The following CDK17 variants were observed in gnomAD, a reference collection of about 807,000 sequenced individuals.
CDK17 encodes the protein cyclin-dependent kinase 17.
A neutral mutation model predicts 77.6 loss-of-function variants in CDK17; 24 were observed. The observed-to-expected ratio is 0.31, with a 90% CI of 0.22 to 0.44. CDK17 has a LOEUF of 0.44. CDK17 is among the 20% of genes least tolerant of loss of function. The pLI is 1.00. For synonymous variants in CDK17, 203 were observed against 210.4 expected (o/e 0.96, Z 0.30); for missense variants, 429 against 622.5 (o/e 0.69, Z 3.31).
At chr12:96,300,816 G>GT (rs1952489534) in intron 5 of CDK17, among the ~76,000 whole-genome samples, 1 of 152,158 alleles carries the variant, frequency 6.6e-6, no homozygotes, top group East Asian at 1.9e-4. Context: ...TATCTATCAA[G>GT]TTTTAAAATA....
intron 5 of CDK17, among the ~76,000 whole-genome samples, chr12:96,310,405 T>C (rs559197973): frequency 6.6e-6 from 1 of 152,156 alleles, no homozygotes; most frequent in East Asian, 1.9e-4. Flanking sequence ...AAGAGAATAT[T>C]ACACATTTAA....
chr12:96,335,190 T>C (rs1349783593), intron 1 of CDK17: 8 of 370,878 alleles, frequency 2.2e-5, no homozygotes, highest in Non-Finnish European at 3.6e-5. Context: ...CAATATTATT[T>C]TGATGCTTAG....
chr12:96,323,275 AAAAAAAAAAC>A (rs770297443), intron 3 of CDK17, among the ~76,000 whole-genome samples: 6 of 121,446 alleles, frequency 4.9e-5, no homozygotes, highest in South Asian at 2.8e-4. Context: ...TTCTAAAAAA[AAAAAAAAAAC>A]AAAAACAAAC....
At chr12:96,398,575 C>A (rs1025456802) in intron 1 of CDK17, among the ~76,000 whole-genome samples, 1 of 152,134 alleles carries the variant, frequency 6.6e-6, no homozygotes, top group African/African-American at 2.4e-5. Context: ...ACAGAACAAG[C>A]CAGATTTGTT....
Position 96,284,688 on chromosome 12 carries a change from C to T in CDK17, c.1323-1043G>A, listed in dbSNP as rs144195166. ...CACGTGATTCTCCTGCCTCAGCCTCCCGAGTAGCTAGGATTACAGGCATGC... is the reference window on the plus strand; with the variant it reads ...CACGTGATTCTCCTGCCTCAGCCTCTCGAGTAGCTAGGATTACAGGCATGC... On this transcript the variant is annotated intron_variant, in intron 13 of 16. Transcript: ENST00000261211. Among the ~76,000 whole-genome samples, 545 of 151,412 alleles carry T rather than the reference C, an allele frequency of 3.6e-3. 4 individuals are homozygous for T. Among genetic ancestry groups the T allele is most frequent in the African/African-American group, 0.013 (522 of 41,284 alleles).
rs911097191 is a variant in CDK17, at chr12:96,352,189, G to T, written c.-29-17324C>A. Among the ~76,000 whole-genome samples the T allele has an allele frequency of 5.9e-5, 9 of 152,072 alleles. No homozygotes were observed. The East Asian group carries it at 1.5e-3, about 26-fold the overall frequency. On this transcript the variant is annotated intron_variant, in intron 1 of 16. Transcript: ENST00000261211. ...AAGCAAATCTGCACTTTCCCAATAGGATCCCTTCCAAGTATTGAAGCTGAA... is the reference window on the plus strand; with the variant it reads ...AAGCAAATCTGCACTTTCCCAATAGTATCCCTTCCAAGTATTGAAGCTGAA...
chr12:96,343,246 C>G (rs980193537), intron 1 of CDK17, among the ~76,000 whole-genome samples: 1 of 152,194 alleles, frequency 6.6e-6, no homozygotes, highest in Non-Finnish European at 1.5e-5. Flanking sequence ...TAATTAGACA[C>G]TAAAAACAAC....
At chr12:96,289,141 T>C in intron 11 of CDK17, 26 bp downstream of exon 11, 3 of 1,611,026 alleles carry the variant, frequency 1.9e-6, no homozygotes, top group Non-Finnish European at 2.5e-6. Flanking sequence ...AAATTATAAA[T>C]GTCAGTGACA....
chr12:96,312,197 A>G (rs1436616214), intron 4 of CDK17, among the ~76,000 whole-genome samples: 4 of 152,158 alleles, frequency 2.6e-5, no homozygotes, highest in Non-Finnish European at 5.9e-5. Context: ...GGATCACTTG[A>G]GCCCAGGAGG....
chr12:96,369,153 A>G (rs1324517863), intron 1 of CDK17, among the ~76,000 whole-genome samples: 1 of 152,112 alleles, frequency 6.6e-6, no homozygotes, highest in African/African-American at 2.4e-5. Context: ...CAATCACAAA[A>G]AAGAAAAAAA....
Position 96,286,038 on chromosome 12 carries a change from A to C in CDK17, c.1322+5T>G. 6.7e-7 allele frequency: 1 copy of C among 1,484,752 alleles called. No individual in the cohort carries two copies. The highest frequency in any genetic ancestry group is 9.3e-7 in the Non-Finnish European group (1 of 1,070,592). 92.0% of individuals were successfully genotyped at this position (1,484,752 alleles called of 1,614,324 possible). A position where few individuals can be genotyped will look rare whatever the true frequency, so the allele number is the denominator to read the frequency against. On this transcript the variant is annotated splice_donor_5th_base_variant and intron_variant, in intron 13 of 16. Coordinates refer to ENST00000261211, the MANE Select transcript of CDK17 (RefSeq NM_002595.5). ...TCCCCCCTTTCACATAAGAAAAAAA[A>C]ATACCTGGGTGCGTGGTTAATTAGA... is the stretch of plus-strand genomic sequence containing the variant.
intron 1 of CDK17, among the ~76,000 whole-genome samples, chr12:96,361,014 G>A (rs1443607957): frequency 6.6e-6 from 1 of 152,254 alleles, no homozygotes; most frequent in African/African-American, 2.4e-5. Context: ...TACCAGAGCT[G>A]AGAGGAACAA....
chr12:96,295,278 A>G, intron 9 of CDK17, 156 bp from the exon 10 acceptor site: 1 of 479,906 alleles, frequency 2.1e-6, no homozygotes, highest in South Asian at 4.2e-5. Context: ...TTCCTTTTAT[A>G]TATAGTGGCT....
intron 1 of CDK17, among the ~76,000 whole-genome samples, chr12:96,342,613 C>G (rs1339790413): frequency 6.6e-6 from 1 of 152,102 alleles, no homozygotes; most frequent in Non-Finnish European, 1.5e-5. Context: ...AAAACACTGA[C>G]AGAGCACTGA....
At chr12:96,366,932 C>T (rs568528730) in intron 1 of CDK17, among the ~76,000 whole-genome samples, 1 of 152,234 alleles carries the variant, frequency 6.6e-6, no homozygotes, top group Admixed American at 6.5e-5. Flanking sequence ...CCTTTTCTTT[C>T]CTCATTTCAT....
Position 96,280,150 on chromosome 12 carries a change from C to T in CDK17, c.*92G>A. On this transcript the variant is annotated 3_prime_UTR_variant, in exon 17 of 17. Transcript: ENST00000261211. ...AGGACAGTGTAGACAAACGGAGATT[C>T]CAAGTCCACCAAAAGAAATAATTGC... 7.7e-7 allele frequency: 1 copy of T among 1,306,314 alleles called. No individual in the cohort carries two copies. The highest frequency in any genetic ancestry group is 2.4e-5 in the Admixed American group (1 of 42,148). The allele number at this position is 1,306,314 out of a possible 1,614,324, so 80.9% of individuals were successfully genotyped here. A position where few individuals can be genotyped will look rare whatever the true frequency, so the allele number is the denominator to read the frequency against.
Position 96,286,069 on chromosome 12 carries a change from T to G in CDK17, c.1296A>C (p.Pro432=), listed in dbSNP as rs765597738. The G allele has an allele frequency of 6.4e-7, 1 of 1,564,306 alleles. No homozygotes were observed. Among genetic ancestry groups the G allele is most frequent in the Admixed American group, 1.8e-5 (1 of 56,716 alleles). The part of the protein sequence containing the change: ...FKNYNFPKYK[P]QPLINHAPRL... ...TGGGTGCGTGGTTAATTAGAGGCTG[T>G]GGTTTATATTTTGGAAAGTTGTAGT... Residue 432 remains proline, a synonymous_variant, in exon 13 of 17, where the codon CCA becomes CCC. Transcript: ENST00000261211.
intron 1 of CDK17, among the ~76,000 whole-genome samples, chr12:96,361,230 TGTGGAAAAACTG>T (rs1953488661): frequency 6.6e-6 from 1 of 152,110 alleles, no homozygotes; most frequent in Non-Finnish European, 1.5e-5. Context: ...GTTTTATGAG[TGTGGAAAAACTG>T]CAAACTGGAA....
In CDK17 at chr12:96,360,454, G is replaced by C. The variant is rs138721993; in HGVS notation, c.-29-25589C>G. On this transcript the variant is annotated intron_variant, in intron 1 of 16. Transcript: ENST00000261211. ...TCAAGCCTCAGGTAGGTGACTTCTG[G>C]AGGGTATCACATAATCTTTGATACC... 6.6e-5 allele frequency among the ~76,000 whole-genome samples: 10 copies of C among 152,292 alleles called. No individual in the cohort carries two copies. The East Asian group carries it at 1.9e-3, about 29-fold the overall frequency.
Sources: gnomAD v4.1 joint callset for allele counts (sites outside exome capture counted in the v4.1 genomes callset) on GRCh38, gnomAD v4.1.1 for gene constraint, MANE v1.5 for transcripts, NCBI Gene and HGNC (gene_info 2026-07-23, HGNC 2026-07-21) for gene names.